LHX8: variants seen among roughly 807,000 people sequenced by gnomAD.
LHX8 encodes LIM/homeobox protein Lhx8.
Under a neutral mutation model 40.3 loss-of-function variants are expected in LHX8, and 12 were observed. The observed-to-expected ratio is 0.30, with a 90% confidence interval of 0.19 to 0.48. The LOEUF is 0.48. Among genes scored for constraint, LHX8 ranks in the 20% least tolerant of loss-of-function variants. LHX8 has a pLI of 0.99. For synonymous variants in LHX8, 179 were observed against 162.0 expected, an observed-to-expected ratio of 1.10 and a Z score of -0.80; for missense variants, 344 against 433.7, an observed-to-expected ratio of 0.79 and a Z score of 1.84.
intron 7 of LHX8, among the ~76,000 whole-genome samples, chr1:75,152,183 T>G (rs1423586874): frequency 6.6e-6 from 1 of 152,108 alleles, no homozygotes; most frequent in Admixed American, 6.6e-5. Context: ...GAAAAAAGAG[T>G]TTTTATTACT....
At chr1:75,192,779 G>A in the LHX8 span, among the ~76,000 whole-genome samples, 754 of 151,202 alleles carry the variant, frequency 5.0e-3, 6 homozygotes, top group African/African-American at 0.018. Flanking sequence ...TGCAGCCTCC[G>A]TCTCCTGGGC....
At chr1:75,189,401 T>C in the LHX8 span, among the ~76,000 whole-genome samples, 1 of 152,168 alleles carries the variant, frequency 6.6e-6, no homozygotes, top group Admixed American at 6.5e-5. Flanking sequence ...TTTATAAAAA[T>C]ATCATGATAA....
At chr1:75,158,262 TTTC>T (rs1461790917) in intron 8 of LHX8, among the ~76,000 whole-genome samples, 1 of 152,240 alleles carries the variant, frequency 6.6e-6, no homozygotes, top group African/African-American at 2.4e-5. Flanking sequence ...ATTTGCTTAA[TTTC>T]TTCATGTAAT....
chr1:75,187,423 C>A, the LHX8 span, among the ~76,000 whole-genome samples: 1 of 152,144 alleles, frequency 6.6e-6, no homozygotes, highest in Non-Finnish European at 1.5e-5. Flanking sequence ...ACCATCTTGG[C>A]TGAGAAATTA....
chr1:75,130,539 G>C (rs1168231703), upstream of LHX8: 2 of 714,156 alleles, frequency 2.8e-6, no homozygotes, highest in Non-Finnish European at 5.1e-6. Context: ...CAGTGGGAGA[G>C]AGACCAGTGG....
the LHX8 span, among the ~76,000 whole-genome samples, chr1:75,187,022 G>A: frequency 6.6e-6 from 1 of 152,138 alleles, no homozygotes; most frequent in Admixed American, 6.5e-5. Flanking sequence ...AGACAGATGA[G>A]TGAATTAATC....
chr1:75,190,865 T>G, the LHX8 span, among the ~76,000 whole-genome samples: 1 of 152,216 alleles, frequency 6.6e-6, no homozygotes. Flanking sequence ...TTCTGTGTAA[T>G]GTAAGATATT....
At chr1:75,164,385 C>CTA (rs2100371696), downstream of LHX8, among the ~76,000 whole-genome samples, 1 of 152,224 alleles carries the variant, frequency 6.6e-6, no homozygotes, top group African/African-American at 2.4e-5. Context: ...AACCACTATG[C>CTA]TATACTATTA....
chr1:75,156,802 T>G (rs2100361397), intron 7 of LHX8, 91 bp from the exon 8 acceptor site: 47 of 1,118,038 alleles, frequency 4.2e-5, no homozygotes, highest in Non-Finnish European at 5.9e-5. Context: ...GTAGTGTGAT[T>G]GAGGTTGCAT....
chr1:75,194,460 A>T, the LHX8 span, among the ~76,000 whole-genome samples: 34 of 152,190 alleles, frequency 2.2e-4, no homozygotes, highest in Admixed American at 1.8e-3. Context: ...GAGATAACAC[A>T]CTTATTAGGC....
the LHX8 span, among the ~76,000 whole-genome samples, chr1:75,191,243 T>A: frequency 6.6e-6 from 1 of 151,988 alleles, no homozygotes; most frequent in Non-Finnish European, 1.5e-5. Context: ...AAACTTGGAA[T>A]TTGACAAGAA....
chr1:75,168,635 T>C, the LHX8 span, among the ~76,000 whole-genome samples: 1 of 152,150 alleles, frequency 6.6e-6, no homozygotes, highest in Non-Finnish European at 1.5e-5. Context: ...TTTCACACAC[T>C]GGGAGCTTTT....
intron 2 of LHX8, among the ~76,000 whole-genome samples, 193 bp from the exon 3 acceptor site, chr1:75,136,907 G>A (rs1287575290): frequency 1.3e-5 from 2 of 151,386 alleles, no homozygotes; most frequent in Non-Finnish European, 2.9e-5. Context: ...GTCAGGGGTC[G>A]GCAGCCCCAG....
At chr1:75,161,575 T>C (rs1205536616), downstream of LHX8, 1 of 152,298 alleles carries the variant, frequency 6.6e-6, no homozygotes, top group Non-Finnish European at 1.5e-5. Flanking sequence ...TAAGTTGACT[T>C]TAGTCTCTTT....
In LHX8 at chr1:75,136,636, A is replaced by C. The variant is rs1251031449; in HGVS notation, c.22A>C (p.Thr8Pro). The C allele has an allele frequency of 6.5e-7, 1 of 1,549,808 alleles. No homozygotes were observed. The highest frequency in any genetic ancestry group is 8.7e-7 in the Non-Finnish European group (1 of 1,146,742). The change falls in exon 2 of 9, where the codon ACT becomes CCT. Residue 8 changes from threonine to proline, a missense_variant. Thr to Pro is a conservative substitution (Grantham distance 38). This residue lies in a region of LHX8 where 108 missense variants were observed against 90.1 expected (regional missense o/e 1.20). Coordinates refer to ENST00000356261, the MANE Select transcript of LHX8 (RefSeq NM_001256114.2). Reference sequence around the variant, plus strand: ...GCTCATGTCAGAGGAGTGCGGGCGGACTACAGCCCTGGCGGCCGGGAGGAC... The same window carrying C: ...GCTCATGTCAGAGGAGTGCGGGCGGCCTACAGCCCTGGCGGCCGGGAGGAC... MSEECGR[T>P]TALAAGRTRK...
At chr1:75,135,243 C>T (rs552548977) in intron 1 of LHX8, among the ~76,000 whole-genome samples, 5 of 152,356 alleles carry the variant, frequency 3.3e-5, no homozygotes, top group African/African-American at 1.2e-4. Flanking sequence ...AGCTGACAAG[C>T]TCTCACCTCA....
rs1175762736 is a variant in LHX8, at chr1:75,161,040, A to G, written c.*145A>G. 6.2e-6 allele frequency: 4 copies of G among 644,246 alleles called. No homozygotes were observed. Among genetic ancestry groups the G allele is most frequent in the African/African-American group, 5.5e-5 (3 of 54,364 alleles). 39.9% of individuals were successfully genotyped at this position (644,246 alleles called of 1,614,324 possible). On this transcript the variant is annotated 3_prime_UTR_variant, in exon 9 of 9. Transcript: ENST00000356261. ...CACTTTGCTGCCCAGGTATGTATCT[A>G]TAGTTGGCCTGCAAGACACTTTTAT... is the stretch of plus-strand genomic sequence containing the variant.
chr1:75,172,848 G>C, the LHX8 span, among the ~76,000 whole-genome samples: 1 of 152,072 alleles, frequency 6.6e-6, no homozygotes, highest in Non-Finnish European at 1.5e-5. Context: ...GAATCTCCTA[G>C]GAACACCCTG....
At chr1:75,138,424 A>T (rs1312426532) in intron 3 of LHX8, among the ~76,000 whole-genome samples, 1 of 152,182 alleles carries the variant, frequency 6.6e-6, no homozygotes, top group Non-Finnish European at 1.5e-5. Context: ...CCTAGAGAAA[A>T]TGCCAGAAGA....
Sources: allele counts gnomAD v4.1 joint callset (sites outside exome capture counted in the v4.1 genomes callset), GRCh38; gene constraint gnomAD v4.1.1; regional missense constraint gnomAD v4.1.1; transcripts MANE v1.5; gene names NCBI Gene and HGNC (gene_info 2026-07-23, HGNC 2026-07-21).